Variants in MGAT4C observed in about 807,000 individuals in gnomAD.
MGAT4C encodes the protein alpha-1,3-mannosyl-glycoprotein 4-beta-N-acetylglucosaminyltransferase C.
MGAT4C carries 19 observed loss-of-function variants against 40.1 expected under a neutral mutation model. The observed-to-expected ratio is 0.47, with a 90% CI of 0.33 to 0.70. The LOEUF is 0.70. MGAT4C is among the 30% of genes least tolerant of loss of function. The pLI is 0.02. For missense variants in MGAT4C, 491 were observed against 563.2 expected (o/e 0.87, Z 1.30); for synonymous variants, 181 against 187.1 (o/e 0.97, Z 0.27).
intron 1 of MGAT4C, among the ~76,000 whole-genome samples, chr12:86,766,368 C>T (rs955395598): frequency 6.6e-6 from 1 of 152,088 alleles, no homozygotes. Context: ...ATTCATAAAG[C>T]AAGTCCTGAG....
intron 2 of MGAT4C, among the ~76,000 whole-genome samples, chr12:86,036,895 A>C (rs1052460517): frequency 1.3e-5 from 2 of 149,900 alleles, no homozygotes; most frequent in African/African-American, 2.4e-5. Flanking sequence ...TACCTCTGGT[A>C]GAATTTGCCT....
intron 1 of MGAT4C, among the ~76,000 whole-genome samples, chr12:86,145,533 A>G (rs1306656422): frequency 6.6e-6 from 1 of 152,190 alleles, no homozygotes; most frequent in African/African-American, 2.4e-5. Context: ...TTATGTTGTG[A>G]AAACATCCAT....
At chr12:86,312,057 G>A (rs1954092576) in intron 4 of MGAT4C, among the ~76,000 whole-genome samples, 1 of 151,970 alleles carries the variant, frequency 6.6e-6, no homozygotes, top group African/African-American at 2.4e-5. Context: ...AAAAAAAAAA[G>A]GTGGGTTTTG....
intron 1 of MGAT4C, among the ~76,000 whole-genome samples, chr12:86,144,715 A>T (rs1296857012): frequency 6.6e-6 from 1 of 152,190 alleles, no homozygotes; most frequent in African/African-American, 2.4e-5. Flanking sequence ...AATTATCATT[A>T]TAGTAAGGTT....
Position 86,088,638 on chromosome 12 carries a change from T to A in MGAT4C, c.-56-38915A>T, listed in dbSNP as rs574019185. ...CAAGCATATGGGAAAATGCTCAACATCCCTAAACATTAGAGAAATGAAAAT... is the reference window on the plus strand; with the variant it reads ...CAAGCATATGGGAAAATGCTCAACAACCCTAAACATTAGAGAAATGAAAAT... On this transcript the variant is annotated intron_variant, in intron 1 of 4. Transcript: ENST00000611864. 1.1e-4 allele frequency among the ~76,000 whole-genome samples: 17 copies of A among 151,982 alleles called. No individual in the cohort carries two copies. In the South Asian group the frequency reaches 3.5e-3, roughly 32 times the overall value.
intron 2 of MGAT4C, among the ~76,000 whole-genome samples, chr12:86,668,415 C>A (rs1178283189): frequency 6.6e-6 from 1 of 152,134 alleles, no homozygotes; most frequent in Non-Finnish European, 1.5e-5. Context: ...GGGATTTGGG[C>A]AATCCACGAG....
intron 2 of MGAT4C, among the ~76,000 whole-genome samples, chr12:86,542,365 G>GT (rs34455869): frequency 0.76 from 114,720 of 151,834 alleles, 44,997 homozygotes; most frequent in Middle Eastern, 0.87. Flanking sequence ...ACAATTCCTA[G>GT]TTCAGAAATA....
intron 2 of MGAT4C, among the ~76,000 whole-genome samples, chr12:86,446,184 TA>T (rs895435161): frequency 1.3e-5 from 2 of 152,078 alleles, no homozygotes; most frequent in African/African-American, 4.8e-5. Context: ...TATGAAAATA[TA>T]ACTTGAAATA....
At chr12:86,189,330 G>A (rs1406150548) in intron 1 of MGAT4C, among the ~76,000 whole-genome samples, 1 of 151,678 alleles carries the variant, frequency 6.6e-6, no homozygotes, top group Non-Finnish European at 1.5e-5. Flanking sequence ...ATTTGTTAAG[G>A]TAACTGGATT....
At chr12:86,152,661 C>G (rs1484892440) in intron 1 of MGAT4C, among the ~76,000 whole-genome samples, 1 of 152,150 alleles carries the variant, frequency 6.6e-6, no homozygotes, top group East Asian at 1.9e-4. Flanking sequence ...AGAAATCTAT[C>G]TTTTATTCAC....
intron 1 of MGAT4C, among the ~76,000 whole-genome samples, chr12:86,082,654 A>C (rs1871053212): frequency 6.6e-6 from 1 of 152,252 alleles, no homozygotes; most frequent in Middle Eastern, 3.4e-3. Context: ...TAATATAAGT[A>C]TCAAACTATT....
chr12:86,179,132 G>C (rs903415434), intron 1 of MGAT4C, among the ~76,000 whole-genome samples: 3 of 152,156 alleles, frequency 2.0e-5, no homozygotes, highest in African/African-American at 7.2e-5. Flanking sequence ...GGTCTTTCTT[G>C]TGCTATTCTA....
chr12:86,568,175 A>T (rs1258359929), intron 2 of MGAT4C, among the ~76,000 whole-genome samples: 1 of 152,102 alleles, frequency 6.6e-6, no homozygotes, highest in Non-Finnish European at 1.5e-5. Flanking sequence ...CATTTGAGTC[A>T]GTGGACTGGG....
chr12:86,718,437 G>A (rs1950684322), intron 2 of MGAT4C, among the ~76,000 whole-genome samples: 1 of 152,172 alleles, frequency 6.6e-6, no homozygotes, highest in Admixed American at 6.5e-5. Context: ...CAATGTCTGA[G>A]GATGGGGTTA....
intron 3 of MGAT4C, among the ~76,000 whole-genome samples, chr12:86,363,905 T>C (rs75053448): frequency 1.3e-5 from 2 of 151,958 alleles, no homozygotes; most frequent in Non-Finnish European, 2.9e-5. Flanking sequence ...CAACAACTTA[T>C]AGTGAATAAA....
In MGAT4C at chr12:86,227,267, A is replaced by C. The variant is rs890059832; in HGVS notation, c.-57+28972T>G. Among the ~76,000 whole-genome samples the C allele has an allele frequency of 2.0e-5, 3 of 151,882 alleles. No individual in the cohort carries two copies. In the South Asian group the frequency reaches 6.2e-4, roughly 31 times the overall value. On this transcript the variant is annotated intron_variant, in intron 1 of 4. Transcript: ENST00000611864. ...CATTTTTAAAACTTCCAAATAATGC[A>C]GTGGCCCAGCATCGAATCCTAAATT...
At chr12:86,359,525 A>C (rs1221041337) in intron 3 of MGAT4C, among the ~76,000 whole-genome samples, 5 of 152,172 alleles carry the variant, frequency 3.3e-5, no homozygotes, top group African/African-American at 1.2e-4. Flanking sequence ...CCCTTCAAAA[A>C]ATCAATGAAT....
chr12:86,013,765 G>GGA (rs1888766060), intron 2 of MGAT4C: 3 of 810,580 alleles, frequency 3.7e-6, no homozygotes, highest in African/African-American at 4.3e-5. Flanking sequence ...GAATCTTAGT[G>GGA]AAAAAAAAAA....
At chr12:86,270,400 A>G (rs1440696019) in intron 4 of MGAT4C, among the ~76,000 whole-genome samples, 1 of 152,132 alleles carries the variant, frequency 6.6e-6, no homozygotes, top group African/African-American at 2.4e-5. Flanking sequence ...ACTCTGTACC[A>G]TTAAAAAAGA....
Sources: gnomAD v4.1 joint callset for allele counts (sites outside exome capture counted in the v4.1 genomes callset) on GRCh38, gnomAD v4.1.1 for gene constraint, MANE v1.5 for transcripts, NCBI Gene and HGNC (gene_info 2026-07-23, HGNC 2026-07-21) for gene names.